Variants in SPAM1 observed in about 807,000 individuals in gnomAD.
SPAM1 encodes hyaluronidase PH-20.
SPAM1 carries 22 observed loss-of-function variants against 29.6 expected under a neutral mutation model. That is an observed-to-expected ratio of 0.74 (90% CI 0.53 to 1.06). SPAM1 has a LOEUF of 1.06. SPAM1 is among the 50% of genes least tolerant of loss of function. The probability of loss-of-function intolerance (pLI) is 0.00; values close to 1 mark genes in which losing one functional copy is unlikely to be tolerated. For synonymous variants in SPAM1, 194 were observed against 204.6 expected (o/e 0.95, Z 0.44); for missense variants, 534 against 604.0 (o/e 0.88, Z 1.21).
At chr7:123,929,059 A>G (rs558341841) in intron 1 of SPAM1, among the ~76,000 whole-genome samples, 57 of 152,296 alleles carry the variant, frequency 3.7e-4, no homozygotes, top group African/African-American at 1.3e-3. Flanking sequence ...CAAAAAAGCT[A>G]CTTTGGATTT....
intron 1 of SPAM1, among the ~76,000 whole-genome samples, chr7:123,948,930 T>C (rs1808676830): frequency 6.6e-6 from 1 of 151,816 alleles, no homozygotes; most frequent in African/African-American, 2.4e-5. Flanking sequence ...AAAGCGTTTG[T>C]TGTGGAAAAG....
At chr7:123,953,312 C>G in intron 2 of SPAM1, 53 bp from the exon 3 acceptor site, 1 of 352,898 alleles carries the variant, frequency 2.8e-6, no homozygotes, top group East Asian at 4.5e-5. Flanking sequence ...GTGAAGCTTA[C>G]ATTCTTTATT....
chr7:123,941,829 C>A (rs1228809948), intron 1 of SPAM1, among the ~76,000 whole-genome samples: 2 of 152,084 alleles, frequency 1.3e-5, no homozygotes, highest in Non-Finnish European at 2.9e-5. Flanking sequence ...GAAAATGGGT[C>A]CCTGGTGTCA....
intron 1 of SPAM1, among the ~76,000 whole-genome samples, chr7:123,931,399 G>T (rs1214618238): frequency 1.3e-5 from 2 of 152,116 alleles, no homozygotes; most frequent in Non-Finnish European, 2.9e-5. Context: ...ACTGTAGGTC[G>T]TAAGACCCCC....
intron 1 of SPAM1, among the ~76,000 whole-genome samples, chr7:123,941,633 G>A (rs1034507102): frequency 5.9e-5 from 9 of 152,132 alleles, no homozygotes; most frequent in African/African-American, 1.4e-4. Flanking sequence ...CAAATTGTGC[G>A]GGAGGTATGT....
intron 1 of SPAM1, among the ~76,000 whole-genome samples, chr7:123,939,354 C>T (rs527773558): frequency 2.0e-5 from 3 of 152,156 alleles, no homozygotes; most frequent in East Asian, 1.9e-4. Flanking sequence ...CTAAAGTGCT[C>T]GGATTACAGG....
intron 1 of SPAM1, among the ~76,000 whole-genome samples, chr7:123,935,306 C>G (rs1283547185): frequency 6.6e-6 from 1 of 152,072 alleles, no homozygotes; most frequent in East Asian, 1.9e-4. Flanking sequence ...GGTAGCATGT[C>G]CTGAATCCTT....
chr7:123,946,479 T>G (rs1808579143), intron 1 of SPAM1, among the ~76,000 whole-genome samples: 1 of 152,146 alleles, frequency 6.6e-6, no homozygotes, highest in African/African-American at 2.4e-5. Flanking sequence ...AGATATGTCT[T>G]AATACATTTA....
chr7:123,962,762 TCTTC>T (rs1422267088), downstream of SPAM1, among the ~76,000 whole-genome samples: 3 of 151,940 alleles, frequency 2.0e-5, no homozygotes, highest in Non-Finnish European at 4.4e-5. Flanking sequence ...TTTCCTTGTG[TCTTC>T]CTTCTACAAG....
At chr7:123,961,975 A>G (rs527624586), downstream of SPAM1, among the ~76,000 whole-genome samples, 64 of 152,094 alleles carry the variant, frequency 4.2e-4, no homozygotes, top group Non-Finnish European at 1.3e-4. Flanking sequence ...TGATTCAATT[A>G]TCTCCCACTC....
chr7:123,938,162 G>C (rs778219959), intron 1 of SPAM1, among the ~76,000 whole-genome samples: 1 of 151,774 alleles, frequency 6.6e-6, no homozygotes, highest in Non-Finnish European at 1.5e-5. Context: ...CTGTTCACAG[G>C]CATGATATGG....
At chr7:123,954,627 TAGTC>T (rs752813021) in intron 3 of SPAM1, 103 bp downstream of exon 3, 74 of 755,548 alleles carry the variant, frequency 9.8e-5, no homozygotes, top group Non-Finnish European at 1.3e-4. Context: ...CTTTTAATAT[TAGTC>T]AGGAATGTGT....
At chr7:123,925,515 AGT>A (rs1807849897) in intron 1 of SPAM1, 163 bp downstream of exon 1, 1 of 152,184 alleles carries the variant, frequency 6.6e-6, no homozygotes, top group Non-Finnish European at 1.5e-5. Context: ...AGTTTTAATG[AGT>A]AATCCAGAGA....
chr7:123,928,833 A>C (rs1283422120), intron 1 of SPAM1, among the ~76,000 whole-genome samples: 3 of 152,158 alleles, frequency 2.0e-5, no homozygotes, highest in Admixed American at 6.6e-5. Context: ...GACTGCAAAC[A>C]TCTTGAAATG....
At chr7:123,936,818 G>A (rs1252900048) in intron 1 of SPAM1, among the ~76,000 whole-genome samples, 7 of 152,178 alleles carry the variant, frequency 4.6e-5, no homozygotes, top group Admixed American at 4.6e-4. Context: ...CCCTTTTAAT[G>A]AGAAGCATGT....
intron 1 of SPAM1, among the ~76,000 whole-genome samples, chr7:123,941,176 G>A (rs1216172863): frequency 6.6e-6 from 1 of 152,120 alleles, no homozygotes; most frequent in African/African-American, 2.4e-5. Context: ...GCAGGATTCT[G>A]TAAACCAAAA....
At chr7:123,963,375 C>T (rs1792384848), downstream of SPAM1, among the ~76,000 whole-genome samples, 4 of 150,574 alleles carry the variant, frequency 2.7e-5, no homozygotes, top group African/African-American at 4.9e-5. Flanking sequence ...ACTTTGTTTT[C>T]TCATTTATAC....
intron 1 of SPAM1, among the ~76,000 whole-genome samples, chr7:123,934,126 A>G (rs1029404005): frequency 5.3e-5 from 8 of 152,194 alleles, no homozygotes; most frequent in African/African-American, 1.9e-4. Flanking sequence ...AGGCTATATC[A>G]TCTAGGTTTG....
chr7:123,959,538 A>G lies in SPAM1; in HGVS notation c.1099A>G (p.Ile367Val), dbSNP rs767645810. Residue 367 changes from isoleucine to valine, a missense_variant, in exon 5 of 5, where the codon ATC (isoleucine) becomes GTC (valine). Physicochemically the swap from Ile to Val is conservative, Grantham distance 29 (BLOSUM62 3). Coordinates refer to ENST00000682466, the MANE Select transcript of SPAM1 (RefSeq NM_153189.3). Reference protein sequence around the residue: ...YMETILNPYIINVTLAAKMCS... With the variant: ...YMETILNPYIVNVTLAAKMCS... Reference sequence around the variant, plus strand: ...GGAGACTATACTGAATCCTTACATAATCAACGTCACACTAGCAGCCAAAAT... The same window carrying G: ...GGAGACTATACTGAATCCTTACATAGTCAACGTCACACTAGCAGCCAAAAT... The G allele has an allele frequency of 6.2e-7, 1 of 1,612,924 alleles. No homozygotes were observed. Among genetic ancestry groups the G allele is most frequent in the Non-Finnish European group, 8.5e-7 (1 of 1,179,398 alleles).
Sources: allele counts gnomAD v4.1 joint callset (sites outside exome capture counted in the v4.1 genomes callset), GRCh38; gene constraint gnomAD v4.1.1; transcripts MANE v1.5; gene names NCBI Gene and HGNC (gene_info 2026-07-23, HGNC 2026-07-21).